Variants in DRC2 observed in about 807,000 individuals in gnomAD.
DRC2 encodes the protein dynein regulatory complex subunit 2.
At chr12:48,904,181 CTCTCCTGTTCGAGGGCTGAGA>C in the DRC2 span, 2 of 917,720 alleles carry the variant, frequency 2.2e-6, no homozygotes, top group South Asian at 3.3e-5. Flanking sequence ...AGCCGGGGAT[CTCTCCTGTTCGAGGGCTGAGA>C]TCTCCGGTCC....
chr12:48,905,899 G>A, the DRC2 span, among the ~76,000 whole-genome samples: 2 of 152,190 alleles, frequency 1.3e-5, no homozygotes, highest in African/African-American at 2.4e-5. Flanking sequence ...AGCCTCCCGA[G>A]TAGCTGTGAC....
At chr12:48,920,451 A>T in the DRC2 span, among the ~76,000 whole-genome samples, 9 of 146,416 alleles carry the variant, frequency 6.1e-5, no homozygotes, top group East Asian at 2.0e-4. Flanking sequence ...TAAAAAAAAA[A>T]AAAAAAAAAA....
At chr12:48,907,422 C>T in the DRC2 span, among the ~76,000 whole-genome samples, 49,595 of 151,992 alleles carry the variant, frequency 0.33, 9,124 homozygotes, top group Admixed American at 0.47. Context: ...AGGTTCACCC[C>T]GAGACAATTA....
the DRC2 span, chr12:48,917,047 T>C: frequency 5.0e-4 from 811 of 1,614,094 alleles, no homozygotes; most frequent in Non-Finnish European, 6.4e-4. Flanking sequence ...CAGAACTATA[T>C]AGATTCTGAG....
chr12:48,918,286 G>T, the DRC2 span: 1 of 1,614,010 alleles, frequency 6.2e-7, no homozygotes, highest in Non-Finnish European at 8.5e-7. Context: ...ATTTAGAAGA[G>T]AAGCACTTTC....
the DRC2 span, among the ~76,000 whole-genome samples, chr12:48,910,071 TG>T: frequency 2.0e-5 from 3 of 152,324 alleles, no homozygotes; most frequent in East Asian, 5.8e-4. Context: ...TGAGCCACCA[TG>T]CCCGGCCATC....
At chr12:48,906,875 T>C in the DRC2 span, among the ~76,000 whole-genome samples, 1 of 151,042 alleles carries the variant, frequency 6.6e-6, no homozygotes, top group Non-Finnish European at 1.5e-5. Context: ...CCATACCTTA[T>C]GGATTTTTAA....
At chr12:48,914,424 C>T in the DRC2 span, 24 of 1,611,808 alleles carry the variant, frequency 1.5e-5, no homozygotes, top group South Asian at 3.3e-5. Context: ...AAGACCTGTC[C>T]GAAGCCGAGG....
chr12:48,919,664 C>T, the DRC2 span, among the ~76,000 whole-genome samples: 2 of 151,950 alleles, frequency 1.3e-5, no homozygotes, highest in Non-Finnish European at 2.9e-5. Context: ...ATTACAGGTG[C>T]GCACCACCAC....
At chr12:48,904,528 C>G in the DRC2 span, 3 of 1,558,354 alleles carry the variant, frequency 1.9e-6, no homozygotes, top group Non-Finnish European at 2.6e-6. Flanking sequence ...CTGGCCCTGT[C>G]ACTGAGGAAA....
the DRC2 span, among the ~76,000 whole-genome samples, chr12:48,906,335 C>T: frequency 6.7e-6 from 1 of 148,888 alleles, no homozygotes; most frequent in South Asian, 2.1e-4. Context: ...CAGAGTTTCA[C>T]TCCTGTTGCC....
chr12:48,917,889 A>C, the DRC2 span, among the ~76,000 whole-genome samples: 3 of 152,174 alleles, frequency 2.0e-5, no homozygotes, highest in South Asian at 6.2e-4. Flanking sequence ...TATTTACCCC[A>C]CAGTGTTTTA....
chr12:48,917,027 G>A, the DRC2 span: 1 of 1,614,078 alleles, frequency 6.2e-7, no homozygotes. Flanking sequence ...ATATCTTCAT[G>A]GCCATGGAGC....
the DRC2 span, among the ~76,000 whole-genome samples, chr12:48,912,437 C>CAAAAAAAAAA: frequency 4.5e-3 from 206 of 45,336 alleles, 30 homozygotes; most frequent in Non-Finnish European, 6.2e-3. Flanking sequence ...GACGCCGTCT[C>CAAAAAAAAAA]AAAAAAAAAA....
the DRC2 span, chr12:48,918,095 C>A: frequency 1.7e-6 from 1 of 593,120 alleles, no homozygotes; most frequent in Non-Finnish European, 3.0e-6. Flanking sequence ...TCACCACAGG[C>A]CCCACCCGGC....
At chr12:48,909,885 A>G in the DRC2 span, among the ~76,000 whole-genome samples, 11 of 150,976 alleles carry the variant, frequency 7.3e-5, no homozygotes, top group African/African-American at 2.7e-4. Context: ...GGTTTAAGTA[A>G]TCCTCCTGCC....
At chr12:48,916,546 A>G in the DRC2 span, among the ~76,000 whole-genome samples, 6 of 152,248 alleles carry the variant, frequency 3.9e-5, no homozygotes. Flanking sequence ...CCGAGATGGC[A>G]GCAGTATAGT....
At chr12:48,916,613 T>TGGGGAGAGGGAGACCATGGGGAGAGGGAG in the DRC2 span, among the ~76,000 whole-genome samples, 1 of 150,110 alleles carries the variant, frequency 6.7e-6, no homozygotes, top group Non-Finnish European at 1.5e-5. Flanking sequence ...AGGGAGACCA[T>TGGGGAGAGGGAGACCATGGGGAGAGGGAG]GGGGAGAGGG....
At chr12:48,908,992 C>T in the DRC2 span, among the ~76,000 whole-genome samples, 1 of 150,780 alleles carries the variant, frequency 6.6e-6, no homozygotes, top group African/African-American at 2.4e-5. Context: ...ATAGTAAAAA[C>T]ATCAAAGCCC....
Sources: allele counts gnomAD v4.1 joint callset (sites outside exome capture counted in the v4.1 genomes callset), GRCh38; gene constraint gnomAD v4.1.1; transcripts MANE v1.5; gene names NCBI Gene and HGNC (gene_info 2026-07-23, HGNC 2026-07-21).